IKBKB: variants seen among roughly 807,000 people sequenced by gnomAD.
IKBKB encodes inhibitor of nuclear factor kappa-B kinase subunit beta.
IKBKB carries 42 observed loss-of-function variants against 113.6 expected under a neutral mutation model. That is an observed-to-expected ratio of 0.37 (90% CI 0.29 to 0.48). The LOEUF (loss-of-function observed/expected upper bound fraction) is 0.48. IKBKB is among the 20% of genes least tolerant of loss of function. The probability of loss-of-function intolerance (pLI) is 0.99; values close to 1 mark genes in which losing one functional copy is unlikely to be tolerated. For synonymous variants in IKBKB, 296 were observed against 361.3 expected (o/e 0.82, Z 2.05); for missense variants, 673 against 939.7 (o/e 0.72, Z 3.71).
intron 4 of IKBKB, 148 bp from the exon 5 acceptor site, chr8:42,293,295 C>T: frequency 1.1e-6 from 1 of 893,490 alleles, no homozygotes; most frequent in Non-Finnish European, 1.7e-6. Flanking sequence ...CCTGCTAGTT[C>T]TGCAGCCCTG....
chr8:42,322,567 C>A, intron 19 of IKBKB, 73 bp downstream of exon 19: 2 of 1,504,390 alleles, frequency 1.3e-6, no homozygotes, highest in Non-Finnish European at 1.8e-6. Flanking sequence ...TGCACTGCCG[C>A]CATCCCACAC....
At chr8:42,321,664 G>A (rs2130679494) in intron 16 of IKBKB, 1 of 477,270 alleles carries the variant, frequency 2.1e-6, no homozygotes, top group Admixed American at 3.6e-5. Flanking sequence ...CGGGACTACA[G>A]GCGCATGCCA....
chr8:42,273,488 T>C (rs1736619477), intron 2 of IKBKB, among the ~76,000 whole-genome samples: 1 of 151,908 alleles, frequency 6.6e-6, no homozygotes, highest in Non-Finnish European at 1.5e-5. Context: ...CTTGCGATAC[T>C]GCACGGCAAA....
chr8:42,291,336 C>G (rs181599556), intron 4 of IKBKB, among the ~76,000 whole-genome samples: 8 of 152,142 alleles, frequency 5.3e-5, no homozygotes, highest in East Asian at 1.9e-4. Context: ...CGCCCGCCCC[C>G]ACGCCTGGCT....
chr8:42,331,016 A>G lies in IKBKB; in HGVS notation c.*37A>G, dbSNP rs1821634742. 1.0e-5 allele frequency: 16 copies of G among 1,601,196 alleles called. No homozygotes were observed. Among genetic ancestry groups the G allele is most frequent in the East Asian group, 6.7e-5 (3 of 44,692 alleles). On this transcript the variant is annotated 3_prime_UTR_variant, in exon 22 of 22. Coordinates refer to ENST00000520810, the MANE Select transcript of IKBKB (RefSeq NM_001556.3). ...TCGACCCCCTGACATGGGGCAGCCCATAGCAGGCCTTGTGCAGTGGGGGGA... is the reference window on the plus strand; with the variant it reads ...TCGACCCCCTGACATGGGGCAGCCCGTAGCAGGCCTTGTGCAGTGGGGGGA...
In IKBKB at chr8:42,284,354, G is replaced by A. The variant is rs189029496; in HGVS notation, c.106-4280G>A. On this transcript the variant is annotated intron_variant, in intron 2 of 21. Coordinates refer to ENST00000520810, the MANE Select transcript of IKBKB (RefSeq NM_001556.3). ...TCCCAGCACTTTGGGAGGCCGAGAC[G>A]GGTGGATCACGAGGTCAGGAGATGG... is the stretch of plus-strand genomic sequence containing the variant. 1.3e-3 allele frequency among the ~76,000 whole-genome samples: 203 copies of A among 152,124 alleles called. 2 individuals are homozygous for A. The highest frequency in any genetic ancestry group is 4.3e-3 in the African/African-American group (180 of 41,486).
At chr8:42,326,134 A>G (rs983445072) in intron 20 of IKBKB, 37 bp downstream of exon 20, 3 of 1,612,084 alleles carry the variant, frequency 1.9e-6, no homozygotes, top group East Asian at 2.2e-5. Context: ...GTGACCATCA[A>G]GGGCACGTCA....
intron 2 of IKBKB, among the ~76,000 whole-genome samples, chr8:42,283,958 T>C (rs1810864088): frequency 6.6e-6 from 1 of 152,126 alleles, no homozygotes; most frequent in South Asian, 2.1e-4. Context: ...CTCTTGGCAA[T>C]GGCACCTCAC....
chr8:42,288,908 C>T (rs545936161), intron 3 of IKBKB, among the ~76,000 whole-genome samples, 180 bp downstream of exon 3: 1 of 152,256 alleles, frequency 6.6e-6, no homozygotes, highest in East Asian at 1.9e-4. Context: ...ATGGTGAAAC[C>T]CCGTCTCTAC....
At chr8:42,287,640 G>A (rs1325643488) in intron 2 of IKBKB, among the ~76,000 whole-genome samples, 1 of 152,204 alleles carries the variant, frequency 6.6e-6, no homozygotes, top group Non-Finnish European at 1.5e-5. Flanking sequence ...TGCTCTGCAG[G>A]GTTACTAATA....
chr8:42,302,733 G>A (rs1815488082), intron 5 of IKBKB, among the ~76,000 whole-genome samples: 1 of 150,026 alleles, frequency 6.7e-6, no homozygotes, highest in East Asian at 2.0e-4. Context: ...TTAAGCTTGG[G>A]TTCATTAGGA....
At chr8:42,302,416 G>A (rs777299469) in intron 5 of IKBKB, among the ~76,000 whole-genome samples, 1 of 152,176 alleles carries the variant, frequency 6.6e-6, no homozygotes, top group African/African-American at 2.4e-5. Context: ...GTAAGGAACA[G>A]TATGATATGT....
rs1010025912 is a variant in IKBKB at position 42,316,556 on chromosome 8, T to C, written c.931-154T>C. 2.0e-5 allele frequency among the ~76,000 whole-genome samples: 3 copies of C among 152,310 alleles called. No individual in the cohort carries two copies. Among genetic ancestry groups the C allele is most frequent in the Admixed American group, 6.5e-5 (1 of 15,300 alleles). ...GACAGGATTATGAAAGATGCAAATA[T>C]GCGAAACATGGCACATGACCTCCCT... On this transcript the variant is annotated intron_variant, in intron 10 of 21. Transcript: ENST00000520810. The surrounding 1 kb of genome is among the most constrained non-coding windows in gnomAD (Gnocchi z 4.5).
At position 42,328,056 on chromosome 8, in the gene IKBKB, C is replaced by T. The variant is rs377193727; in HGVS notation, c.2115-1068C>T. 2.9e-4 allele frequency among the ~76,000 whole-genome samples: 8 copies of T among 27,750 alleles called. 3 individuals carry two copies. In the East Asian group the frequency reaches 9.5e-3, roughly 33 times the overall value. The allele number at this position is 27,750 out of a possible 152,430, so 18.2% of individuals were successfully genotyped here. ...CGATCTCCTGACCTCATGATCCACC[C>T]GCCTCGGCCTCCCAAAGTGCTGGGA... On this transcript the variant is annotated intron_variant, in intron 20 of 21. Transcript: ENST00000520810.
chr8:42,331,127 G>GCA lies in IKBKB; in HGVS notation c.*150_*151dup. ...CGGCTCTCACATGGTGGTTCCTGCTGCACTGATGGCCCAGGGGTCTCTGGT... is the reference window on the plus strand; with the variant it reads ...CGGCTCTCACATGGTGGTTCCTGCTGCACACTGATGGCCCAGGGGTCTCTGGT... On this transcript the variant is annotated 3_prime_UTR_variant, in exon 22 of 22. Transcript: ENST00000520810. The GCA allele has an allele frequency of 8.5e-7, 1 of 1,171,890 alleles. No homozygotes were observed. 72.6% of individuals were successfully genotyped at this position (1,171,890 alleles called of 1,614,324 possible). A position where few individuals can be genotyped will look rare whatever the true frequency, so the allele number is the denominator to read the frequency against.
Position 42,316,918 on chromosome 8 carries a change from T to G in IKBKB, c.1125+14T>G, listed in dbSNP as rs200208218. 2.4e-5 allele frequency: 39 copies of G among 1,612,080 alleles called. No homozygotes were observed. The African/African-American group carries it at 3.6e-4, about 15-fold the overall frequency. ...TCAGACGGCAAGGTGAGCCCTGGCT[T>G]CGTACACACCATCCTGTTTACCTTG... is the stretch of plus-strand genomic sequence containing the variant. On this transcript the variant is annotated intron_variant, in intron 11 of 21. Transcript: ENST00000520810. The surrounding 1 kb of genome is among the most constrained non-coding windows in gnomAD (Gnocchi z 4.5).
At position 42,332,332 on chromosome 8, in the gene IKBKB, A is replaced by G. The variant is rs1220711991; in HGVS notation, c.*1353A>G. On this transcript the variant is annotated 3_prime_UTR_variant, in exon 22 of 22. Coordinates refer to ENST00000520810, the MANE Select transcript of IKBKB (RefSeq NM_001556.3). ...TAAAGAAACAGGCTTAACTTTGTGT[A>G]AGAACACTGTTTATCAATGTCATTT... 6.6e-6 allele frequency: 1 copy of G among 152,260 alleles called. No individual in the cohort carries two copies. Among genetic ancestry groups the G allele is most frequent in the Non-Finnish European group, 1.5e-5 (1 of 68,046 alleles). The allele number at this position is 152,260 out of a possible 1,614,324, so 9.4% of individuals were successfully genotyped here. A position where few individuals can be genotyped will look rare whatever the true frequency, so the allele number is the denominator to read the frequency against.
intron 2 of IKBKB, among the ~76,000 whole-genome samples, chr8:42,277,705 C>A: frequency 6.6e-6 from 1 of 152,154 alleles, no homozygotes; most frequent in South Asian, 2.1e-4. Context: ...TGGCTTTGTT[C>A]TGTGGCAACT....
intron 20 of IKBKB, among the ~76,000 whole-genome samples, chr8:42,327,301 C>T (rs1167542868): frequency 1.4e-5 from 2 of 147,384 alleles, no homozygotes; most frequent in African/African-American, 2.5e-5. Context: ...GTCTCCTGGG[C>T]AACATGGTGA....
Sources: allele counts gnomAD v4.1 joint callset (sites outside exome capture counted in the v4.1 genomes callset), GRCh38; gene constraint gnomAD v4.1.1; non-coding constraint Gnocchi (gnomAD v3.1); transcripts MANE v1.5; gene names NCBI Gene and HGNC (gene_info 2026-07-23, HGNC 2026-07-21).